Variants in RIMS2 observed in about 807,000 individuals in gnomAD.
RIMS2 encodes regulating synaptic membrane exocytosis 2.
Under a neutral mutation model 174.4 loss-of-function variants are expected in RIMS2, and 59 were observed. That is an observed-to-expected ratio of 0.34 (90% CI 0.27 to 0.42). The LOEUF (loss-of-function observed/expected upper bound fraction) is 0.42, where lower values mean the gene tolerates loss of function less well. Ranked by LOEUF, RIMS2 falls within the 10% of genes least tolerant of loss-of-function variation. The pLI is 1.00. For missense variants in RIMS2, 1,620 were observed against 1,666.3 expected (o/e 0.97, Z 0.48); for synonymous variants, 606 against 572.5 (o/e 1.06, Z -0.84).
chr8:104,195,198 T>C (rs1330797566), intron 19 of RIMS2, among the ~76,000 whole-genome samples: 2 of 152,124 alleles, frequency 1.3e-5, no homozygotes, highest in African/African-American at 4.8e-5. Flanking sequence ...TTAAGAAGAA[T>C]TGATTTTATA....
chr8:103,528,346 G>C (rs888533195), intron 1 of RIMS2, among the ~76,000 whole-genome samples: 3 of 152,034 alleles, frequency 2.0e-5, no homozygotes, highest in African/African-American at 7.2e-5. Flanking sequence ...TAGGTTGCCT[G>C]TTCTCTCTGA....
intron 1 of RIMS2, among the ~76,000 whole-genome samples, chr8:103,658,606 A>G (rs1011630487): frequency 6.6e-6 from 1 of 152,194 alleles, no homozygotes; most frequent in Non-Finnish European, 1.5e-5. Flanking sequence ...CCAGTGGAGA[A>G]GATTTTCAAG....
intron 14 of RIMS2, among the ~76,000 whole-genome samples, chr8:103,955,933 C>T (rs2087028229): frequency 6.6e-6 from 1 of 152,192 alleles, no homozygotes; most frequent in African/African-American, 2.4e-5. Flanking sequence ...GTGCAAAAAT[C>T]ACAAGCATTC....
chr8:103,881,940 A>G (rs1178028034), intron 3 of RIMS2, among the ~76,000 whole-genome samples: 1 of 151,464 alleles, frequency 6.6e-6, no homozygotes, highest in Non-Finnish European at 1.5e-5. Context: ...GCGTAGGAGT[A>G]AAGATTAAGG....
intron 17 of RIMS2, among the ~76,000 whole-genome samples, chr8:103,993,195 T>A (rs565345679): frequency 2.6e-5 from 4 of 152,298 alleles, no homozygotes; most frequent in African/African-American, 9.6e-5. Flanking sequence ...TTAGATAATA[T>A]TTCTGTAACA....
intron 19 of RIMS2, among the ~76,000 whole-genome samples, chr8:104,097,555 G>A (rs2130745252): frequency 6.7e-6 from 1 of 150,140 alleles, no homozygotes; most frequent in East Asian, 2.0e-4. Context: ...TGTGTTCAGG[G>A]AACTAAGCAG....
At chr8:104,064,657 A>T (rs538567224) in intron 19 of RIMS2, among the ~76,000 whole-genome samples, 1 of 152,132 alleles carries the variant, frequency 6.6e-6, no homozygotes, top group South Asian at 2.1e-4. Context: ...GAAACAAATT[A>T]TATTTTCTCT....
chr8:103,542,051 C>T (rs1365027369), intron 1 of RIMS2, among the ~76,000 whole-genome samples: 1 of 151,876 alleles, frequency 6.6e-6, no homozygotes, highest in Admixed American at 6.6e-5. Context: ...ACAAAACAAC[C>T]AAGAGCAAGG....
intron 2 of RIMS2, among the ~76,000 whole-genome samples, chr8:103,746,595 C>T (rs1012889507): frequency 9.9e-5 from 15 of 152,010 alleles, no homozygotes; most frequent in African/African-American, 2.9e-4. Flanking sequence ...TGATCCTCTC[C>T]GTCTTCCCAC....
rs540567476 is a variant in RIMS2 at position 103,924,686 on chromosome 8, A to T, written c.2196+2902A>T. Among the ~76,000 whole-genome samples, 68 of 151,644 alleles carry T rather than the reference A, an allele frequency of 4.5e-4. 1 individual carries two copies. The highest frequency in any genetic ancestry group is 8.0e-4 in the Non-Finnish European group (54 of 67,622). On this transcript the variant is annotated intron_variant, in intron 10 of 23. Transcript: ENST00000504942. ...CTATAGTATGTGAGCTGACCTTCCT[A>T]ATATTCTGTCAGTTCATGTCTCAAA...
At chr8:103,930,567 C>A (rs1382838657) in intron 11 of RIMS2, among the ~76,000 whole-genome samples, 1 of 152,034 alleles carries the variant, frequency 6.6e-6, no homozygotes, top group Admixed American at 6.6e-5. Context: ...ATGAAGTTCC[C>A]TTCCCTAATT....
rs148228037 is a variant in RIMS2 at position 103,754,280 on chromosome 8, T to C, written c.388-11947T>C. On this transcript the variant is annotated intron_variant, in intron 2 of 23. Coordinates refer to ENST00000504942, the Ensembl canonical transcript of RIMS2. ...ATCCTGAGTCCTAACTTGATTGCAC[T>C]GTGGTCTGAGCGACAGTTTGTTATA... Among the ~76,000 whole-genome samples, 324 of 152,364 alleles carry C rather than the reference T, an allele frequency of 2.1e-3. 1 individual carries two copies. Among genetic ancestry groups the C allele is most frequent in the African/African-American group, 7.5e-3 (310 of 41,592 alleles).
intron 19 of RIMS2, among the ~76,000 whole-genome samples, 191 bp downstream of exon 22, chr8:104,041,549 T>C (rs2096609220): frequency 6.6e-6 from 1 of 151,668 alleles, no homozygotes; most frequent in Non-Finnish European, 1.5e-5. Flanking sequence ...ATTAGATGGA[T>C]AAAAGTAAAA....
chr8:104,216,265 T>C (rs1295630270), intron 19 of RIMS2, among the ~76,000 whole-genome samples: 1 of 152,218 alleles, frequency 6.6e-6, no homozygotes, highest in East Asian at 1.9e-4. Flanking sequence ...TTCCTTGTTG[T>C]AATCCCAGCA....
intron 19 of RIMS2, among the ~76,000 whole-genome samples, chr8:104,139,163 A>G (rs1280737319): frequency 6.6e-6 from 1 of 151,970 alleles, no homozygotes; most frequent in Non-Finnish European, 1.5e-5. Context: ...GTTTTGGTTA[A>G]TATAGCTCTG....
At chr8:104,065,441 A>T (rs1263928100) in intron 19 of RIMS2, among the ~76,000 whole-genome samples, 1 of 152,162 alleles carries the variant, frequency 6.6e-6, no homozygotes, top group Non-Finnish European at 1.5e-5. Flanking sequence ...TTTCTTAGAT[A>T]GAGCAAAGGA....
intron 1 of RIMS2, among the ~76,000 whole-genome samples, chr8:103,648,108 G>A (rs2096378934): frequency 6.6e-6 from 1 of 151,706 alleles, no homozygotes; most frequent in African/African-American, 2.4e-5. Context: ...AGAGCTTTGG[G>A]TACATTGTCT....
At chr8:103,862,988 G>T (rs2099066401) in intron 3 of RIMS2, among the ~76,000 whole-genome samples, 1 of 152,042 alleles carries the variant, frequency 6.6e-6, no homozygotes, top group African/African-American at 2.4e-5. Flanking sequence ...CTGGCTGAGA[G>T]TTCCAGTACT....
intron 15 of RIMS2, among the ~76,000 whole-genome samples, chr8:103,961,385 A>G (rs1433885828): frequency 1.3e-5 from 2 of 152,144 alleles, no homozygotes; most frequent in Non-Finnish European, 2.9e-5. Context: ...TAAGACAATA[A>G]TAAGGATTTT....
Sources: gnomAD v4.1 joint callset for allele counts (sites outside exome capture counted in the v4.1 genomes callset) on GRCh38, gnomAD v4.1.1 for gene constraint, MANE v1.5 for transcripts, NCBI Gene and HGNC (gene_info 2026-07-23, HGNC 2026-07-21) for gene names.